ZBTB8A: variants seen among roughly 807,000 people sequenced by gnomAD.
ZBTB8A encodes zinc finger and BTB domain-containing protein 8A.
Under a neutral mutation model 37.8 loss-of-function variants are expected in ZBTB8A, and 19 were observed. The observed-to-expected ratio is 0.50, with a 90% CI of 0.35 to 0.74. The LOEUF (loss-of-function observed/expected upper bound fraction) is 0.74, where lower values mean the gene tolerates loss of function less well. ZBTB8A is among the 30% of genes least tolerant of loss of function. The probability of loss-of-function intolerance (pLI) is 0.01; values close to 1 mark genes in which losing one functional copy is unlikely to be tolerated. For missense variants in ZBTB8A, 394 were observed against 537.8 expected (o/e 0.73, Z 2.65); for synonymous variants, 181 against 185.2 (o/e 0.98, Z 0.19).
chr1:32,558,622 G>C (rs1289824961), intron 2 of ZBTB8A, among the ~76,000 whole-genome samples: 1 of 152,192 alleles, frequency 6.6e-6, no homozygotes. Context: ...GAAGGATATA[G>C]ATATGGAGGC....
intron 2 of ZBTB8A, among the ~76,000 whole-genome samples, chr1:32,571,140 T>A (rs1248537391): frequency 6.6e-6 from 1 of 152,146 alleles, no homozygotes; most frequent in Non-Finnish European, 1.5e-5. Context: ...CCTCCCAAAG[T>A]GCTGGGATTA....
chr1:32,591,530 T>C (rs966809202), intron 2 of ZBTB8A, among the ~76,000 whole-genome samples: 1 of 151,716 alleles, frequency 6.6e-6, no homozygotes, highest in Non-Finnish European at 1.5e-5. Context: ...GAGTCTTTGT[T>C]TAATGTCTGA....
At chr1:32,566,071 G>A (rs540928913) in intron 2 of ZBTB8A, among the ~76,000 whole-genome samples, 15 of 152,054 alleles carry the variant, frequency 9.9e-5, no homozygotes, top group Non-Finnish European at 1.6e-4. Flanking sequence ...GCGTGGTGGC[G>A]GGCACCTGTA....
chr1:32,545,943 G>A (rs908338122), intron 1 of ZBTB8A, among the ~76,000 whole-genome samples: 4 of 152,052 alleles, frequency 2.6e-5, no homozygotes, highest in Non-Finnish European at 4.4e-5. Flanking sequence ...TTGTCTAGAA[G>A]TCTCTTCTCT....
At chr1:32,557,981 A>G (rs1644215668) in intron 2 of ZBTB8A, among the ~76,000 whole-genome samples, 1 of 152,190 alleles carries the variant, frequency 6.6e-6, no homozygotes, top group African/African-American at 2.4e-5. Context: ...TGGAAAACAA[A>G]TATCTGTCCC....
chr1:32,581,901 A>T (rs567009353), intron 2 of ZBTB8A, among the ~76,000 whole-genome samples: 1 of 152,104 alleles, frequency 6.6e-6, no homozygotes, highest in East Asian at 1.9e-4. Flanking sequence ...ATCTCGTGAG[A>T]CTCACTCACT....
chr1:32,551,421 C>CAAA (rs553866696), intron 1 of ZBTB8A, among the ~76,000 whole-genome samples: 17,107 of 148,532 alleles, frequency 0.12, 1,040 homozygotes, highest in African/African-American at 0.18. Context: ...GACTCTCTCT[C>CAAA]AAAAAAAAAA....
At chr1:32,548,839 G>A (rs7532773) in intron 1 of ZBTB8A, among the ~76,000 whole-genome samples, 18,210 of 152,114 alleles carry the variant, frequency 0.12, 1,246 homozygotes, top group African/African-American at 0.2. Context: ...TCGCAGCTCT[G>A]TAAGCTATAG....
intron 1 of ZBTB8A, among the ~76,000 whole-genome samples, chr1:32,550,188 T>TA (rs1444625627): frequency 6.6e-6 from 1 of 151,892 alleles, no homozygotes; most frequent in Non-Finnish European, 1.5e-5. Context: ...CGAGACCCTT[T>TA]AAAAAAAGGA....
intron 2 of ZBTB8A, among the ~76,000 whole-genome samples, chr1:32,570,009 T>C (rs1328166176): frequency 2.0e-5 from 3 of 152,192 alleles, no homozygotes; most frequent in African/African-American, 7.2e-5. Context: ...GAAATTTAGC[T>C]TTTACCATGA....
chr1:32,595,656 G>GTTT (rs763311181), intron 4 of ZBTB8A, among the ~76,000 whole-genome samples: 1 of 123,862 alleles, frequency 8.1e-6, no homozygotes, highest in Non-Finnish European at 1.8e-5. Flanking sequence ...TGCAGCTTTT[G>GTTT]TTTTTTTTTT....
intron 2 of ZBTB8A, among the ~76,000 whole-genome samples, chr1:32,579,116 G>A (rs1644384375): frequency 6.6e-6 from 1 of 152,008 alleles, no homozygotes; most frequent in African/African-American, 2.4e-5. Context: ...TGCCCTGGAT[G>A]TTCAGCTTCA....
At chr1:32,568,353 G>A (rs924367235) in intron 2 of ZBTB8A, among the ~76,000 whole-genome samples, 3 of 151,264 alleles carry the variant, frequency 2.0e-5, no homozygotes, top group African/African-American at 7.3e-5. Flanking sequence ...TCAGGCAACT[G>A]TAATCTCCCT....
At chr1:32,596,372 A>C (rs908901998) in intron 4 of ZBTB8A, among the ~76,000 whole-genome samples, 14 of 150,338 alleles carry the variant, frequency 9.3e-5, no homozygotes, top group South Asian at 2.1e-4. Context: ...TCCATCTCAA[A>C]AAAAAAAAAA....
chr1:32,595,339 C>A, intron 4 of ZBTB8A, 116 bp downstream of exon 4: 1 of 1,004,906 alleles, frequency 1.0e-6, no homozygotes, highest in Non-Finnish European at 1.5e-6. Flanking sequence ...GTAATCTCAG[C>A]TCGCTGCAAC....
intron 4 of ZBTB8A, among the ~76,000 whole-genome samples, chr1:32,597,118 T>C (rs1467242271): frequency 1.3e-5 from 2 of 152,248 alleles, no homozygotes; most frequent in Admixed American, 6.5e-5. Flanking sequence ...ACAATTCTCC[T>C]GTCTCAGCCT....
chr1:32,565,736 C>T (rs1244934843), intron 2 of ZBTB8A, among the ~76,000 whole-genome samples: 3 of 152,090 alleles, frequency 2.0e-5, no homozygotes, highest in Non-Finnish European at 1.5e-5. Flanking sequence ...TATTTTGGTC[C>T]ATTTCCTTTT....
At chr1:32,542,025 C>T (rs1305431009) in intron 1 of ZBTB8A, among the ~76,000 whole-genome samples, 3 of 152,126 alleles carry the variant, frequency 2.0e-5, no homozygotes, top group African/African-American at 7.2e-5. Context: ...ATGTTTTCAA[C>T]TTAAAATAGG....
At chr1:32,545,373 T>A (rs1261864074) in intron 1 of ZBTB8A, among the ~76,000 whole-genome samples, 1 of 152,214 alleles carries the variant, frequency 6.6e-6, no homozygotes, top group East Asian at 1.9e-4. Context: ...TATTTCTATT[T>A]GTCTTATTTA....
Sources: allele counts gnomAD v4.1 joint callset (sites outside exome capture counted in the v4.1 genomes callset), GRCh38; gene constraint gnomAD v4.1.1; transcripts MANE v1.5; gene names NCBI Gene and HGNC (gene_info 2026-07-23, HGNC 2026-07-21).